The following TOX2 variants were observed in gnomAD, a reference collection of about 807,000 sequenced individuals.
TOX2 encodes the protein granulosa cell HMG box 1.
TOX2 carries 15 observed loss-of-function variants against 47.4 expected under a neutral mutation model. The observed-to-expected ratio is 0.32, with a 90% confidence interval of 0.21 to 0.49. TOX2 has a LOEUF of 0.49. Among genes scored for constraint, TOX2 ranks in the 20% least tolerant of loss-of-function variants. The probability of loss-of-function intolerance (pLI) is 0.99; values close to 1 mark genes in which losing one functional copy is unlikely to be tolerated. For missense variants in TOX2, 622 were observed against 673.1 expected, an observed-to-expected ratio of 0.92 and a Z score of 0.84; for synonymous variants, 290 against 296.6, an observed-to-expected ratio of 0.98 and a Z score of 0.23.
At position 44,038,253 on chromosome 20, in the gene TOX2, C is replaced by T. The variant is rs142334566; in HGVS notation, c.412-13053C>T. ...TCTACAAAAAATATAAAAAATTAGC[C>T]GGGTTCCGTGGCTCCACCTGTGGTC... On this transcript the variant is annotated intron_variant, in intron 3 of 8. Transcript: ENST00000341197. 4.0e-3 allele frequency among the ~76,000 whole-genome samples: 609 copies of T among 152,052 alleles called. 4 individuals are homozygous for T. The highest frequency in any genetic ancestry group is 0.014 in the African/African-American group (570 of 41,460).
chr20:44,054,169 C>T (rs924320166), intron 4 of TOX2, 130 bp from the exon 5 acceptor site: 4 of 893,094 alleles, frequency 4.5e-6, no homozygotes, highest in Middle Eastern at 3.3e-4. Flanking sequence ...ATTGCCCCCT[C>T]CATCGCGCGA....
chr20:43,965,633 C>T (rs527642623), intron 1 of TOX2, among the ~76,000 whole-genome samples: 6 of 152,340 alleles, frequency 3.9e-5, no homozygotes, highest in Non-Finnish European at 4.4e-5. Context: ...GTAGATTCCC[C>T]AGTGGCTGGG....
At chr20:43,926,648 C>T (rs1031967064) in intron 1 of TOX2, among the ~76,000 whole-genome samples, 5 of 152,200 alleles carry the variant, frequency 3.3e-5, no homozygotes, top group African/African-American at 1.2e-4. Flanking sequence ...AGTTCAGGAT[C>T]GGTGTAGCGC....
chr20:44,047,872 A>T, intron 3 of TOX2, among the ~76,000 whole-genome samples: 2 of 30 alleles, frequency 0.067, 1 homozygote, highest in Non-Finnish European at 0.091. Context: ...AAAAAAAAAA[A>T]AAAAAAAAAA....
intron 1 of TOX2, among the ~76,000 whole-genome samples, chr20:43,946,355 G>A (rs1417705404): frequency 6.6e-6 from 1 of 152,188 alleles, no homozygotes; most frequent in Non-Finnish European, 1.5e-5. Flanking sequence ...CCAGGTGTGG[G>A]TTGGGGGGTC....
Position 44,068,978 on chromosome 20 carries a change from T to A in TOX2, c.*292T>A. On this transcript the variant is annotated 3_prime_UTR_variant, in exon 9 of 9. Transcript: ENST00000341197. ...CGCCCTGCGCACGGTACCCTATGTC[T>A]GGACACCCGGCCCCAGCTCCAGCCC... The A allele has an allele frequency of 1.8e-6, 1 of 543,874 alleles. No individual in the cohort carries two copies. The highest frequency in any genetic ancestry group is 3.5e-6 in the Non-Finnish European group (1 of 282,532). The allele number at this position is 543,874 out of a possible 1,614,324, so 33.7% of individuals were successfully genotyped here. A position where few individuals can be genotyped will look rare whatever the true frequency, so the allele number is the denominator to read the frequency against.
chr20:44,019,113 AAATGAATG>A (rs564796604), intron 3 of TOX2, among the ~76,000 whole-genome samples: 1 of 148,396 alleles, frequency 6.7e-6, no homozygotes, highest in South Asian at 2.1e-4. Flanking sequence ...ACTGACTGAA[AAATGAATG>A]AATGAATGAA....
At chr20:43,932,782 C>T (rs6073257) in intron 1 of TOX2, among the ~76,000 whole-genome samples, 71,900 of 140,424 alleles carry the variant, frequency 0.51, 20,885 homozygotes, top group Non-Finnish European at 0.64. Flanking sequence ...CTGCCCCCCC[C>T]CGCCATTTCT....
intron 2 of TOX2, among the ~76,000 whole-genome samples, chr20:43,977,905 G>A (rs951066129): frequency 2.0e-5 from 3 of 152,166 alleles, no homozygotes; most frequent in Non-Finnish European, 2.9e-5. Flanking sequence ...TTCCTGGGAC[G>A]AGGTGAGGAG....
chr20:44,017,523 A>G lies in TOX2; in HGVS notation c.411+10731A>G, dbSNP rs2070900870. Reference sequence around the variant, plus strand: ...ATCACGATGGCCAGCCCCTTGCAGCACTGCTCATGCCCATGGGGCCAGATG... The same window carrying G: ...ATCACGATGGCCAGCCCCTTGCAGCGCTGCTCATGCCCATGGGGCCAGATG... On this transcript the variant is annotated intron_variant, in intron 3 of 8. Transcript: ENST00000341197. 2.0e-5 allele frequency among the ~76,000 whole-genome samples: 3 copies of G among 152,322 alleles called. No homozygotes were observed. The Middle Eastern group carries it at 0.01, about 518-fold the overall frequency.
chr20:43,988,653 C>T (rs1394522400), intron 2 of TOX2, among the ~76,000 whole-genome samples: 2 of 152,186 alleles, frequency 1.3e-5, no homozygotes, highest in Non-Finnish European at 2.9e-5. Context: ...GGGGCAGGGA[C>T]CTGGCACAGG....
intron 1 of TOX2, among the ~76,000 whole-genome samples, chr20:43,922,215 C>A (rs1255110623): frequency 6.6e-6 from 1 of 152,164 alleles, no homozygotes; most frequent in Admixed American, 6.5e-5. Flanking sequence ...GTTTCCCAGC[C>A]TCGGCGCTAT....
chr20:44,023,248 G>C (rs1214181345), intron 3 of TOX2, among the ~76,000 whole-genome samples: 2 of 151,944 alleles, frequency 1.3e-5, no homozygotes, highest in African/African-American at 2.4e-5. Context: ...GGCCAACATG[G>C]TGAAACCCTG....
At chr20:44,023,974 T>C (rs1295400381) in intron 3 of TOX2, among the ~76,000 whole-genome samples, 1 of 152,222 alleles carries the variant, frequency 6.6e-6, no homozygotes, top group African/African-American at 2.4e-5. Context: ...GCCCGTCCCC[T>C]CTCTGATCCG....
chr20:43,923,779 A>G (rs1457354605), intron 1 of TOX2, among the ~76,000 whole-genome samples: 1 of 152,118 alleles, frequency 6.6e-6, no homozygotes, highest in Non-Finnish European at 1.5e-5. Context: ...TGGAAGGTTT[A>G]TGTGGGGAAG....
chr20:44,019,956 T>C (rs1007615954), intron 3 of TOX2, among the ~76,000 whole-genome samples: 2 of 152,182 alleles, frequency 1.3e-5, no homozygotes, highest in African/African-American at 4.8e-5. Context: ...TTCAAGTCTC[T>C]GGAGGGTGTG....
At chr20:44,012,834 C>A (rs1392826060) in intron 3 of TOX2, among the ~76,000 whole-genome samples, 1 of 152,228 alleles carries the variant, frequency 6.6e-6, no homozygotes, top group African/African-American at 2.4e-5. Context: ...CTATCAAATG[C>A]AGTACTTAGT....
intron 4 of TOX2, 108 bp from the exon 5 acceptor site, chr20:44,054,191 T>C (rs1569140276): frequency 1.7e-6 from 2 of 1,184,636 alleles, no homozygotes; most frequent in Non-Finnish European, 2.5e-6. Context: ...TGGTTATCTG[T>C]GCATGAGCAG....
At chr20:43,945,802 T>C (rs4812769) in intron 1 of TOX2, 1,109,459 of 1,454,904 alleles carry the variant, frequency 0.76, 424,841 homozygotes, top group East Asian at 0.97. Flanking sequence ...CTTATACGAA[T>C]GGGATGGGGG....
Sources: allele counts gnomAD v4.1 joint callset (sites outside exome capture counted in the v4.1 genomes callset), GRCh38; gene constraint gnomAD v4.1.1; transcripts MANE v1.5; gene names NCBI Gene and HGNC (gene_info 2026-07-23, HGNC 2026-07-21).